NEK11: variants seen among roughly 807,000 people sequenced by gnomAD.
NEK11 encodes the protein serine/threonine-protein kinase Nek11.
NEK11 carries 72 observed loss-of-function variants against 80.7 expected under a neutral mutation model. That is an observed-to-expected ratio of 0.89 (90% CI 0.74 to 1.08). The LOEUF (loss-of-function observed/expected upper bound fraction) is 1.08. NEK11 is among the 50% of genes least tolerant of loss of function. The pLI is 0.00. For missense variants in NEK11, 764 were observed against 763.6 expected (o/e 1.00, Z -0.01); for synonymous variants, 251 against 260.7 (o/e 0.96, Z 0.36).
At chr3:131,027,823 G>A (rs1325831370) in intron 1 of NEK11, 107 bp from the exon 2 acceptor site, 7 of 151,444 alleles carry the variant, frequency 4.6e-5, no homozygotes, top group Admixed American at 4.6e-4. Context: ...CTGCAGCCTG[G>A]ACCAGACTAC....
Position 131,109,097 on chromosome 3 carries a change from TA to T in NEK11, c.337-700del, listed in dbSNP as rs537009288. Among the ~76,000 whole-genome samples, 362 of 152,238 alleles carry T rather than the reference TA, an allele frequency of 2.4e-3. 1 individual carries two copies. Among genetic ancestry groups the T allele is most frequent in the African/African-American group, 8.2e-3 (341 of 41,538 alleles). ...GTGGGTGCATATATAGGTAATATAATAAAAAATAATTTAGATTGAAGGTTTG... is the reference window on the plus strand; with the variant it reads ...GTGGGTGCATATATAGGTAATATAATAAAAATAATTTAGATTGAAGGTTTG... On this transcript the variant is annotated intron_variant, in intron 4 of 17. Transcript: ENST00000383366.
intron 10 of NEK11, 84 bp downstream of exon 10, chr3:131,155,205 T>G: frequency 1.2e-6 from 1 of 842,918 alleles, no homozygotes; most frequent in Non-Finnish European, 1.9e-6. Flanking sequence ...AGCACTAAAC[T>G]GACTGCATCG....
chr3:131,132,568 T>G (rs569872130), intron 5 of NEK11, among the ~76,000 whole-genome samples, 177 bp from the exon 6 acceptor site: 2 of 152,100 alleles, frequency 1.3e-5, no homozygotes, highest in African/African-American at 4.8e-5. Flanking sequence ...TTAAAACTTT[T>G]GTTTCCTCAG....
chr3:131,227,052 G>GA (rs112443901), intron 14 of NEK11, among the ~76,000 whole-genome samples: 56 of 146,002 alleles, frequency 3.8e-4, no homozygotes, highest in African/African-American at 8.4e-4. Context: ...GAACTGATGT[G>GA]AAAAAAAAAA....
At chr3:131,051,531 A>T (rs1321606645) in intron 3 of NEK11, among the ~76,000 whole-genome samples, 2 of 152,202 alleles carry the variant, frequency 1.3e-5, no homozygotes, top group Non-Finnish European at 2.9e-5. Context: ...AATGAAGGCT[A>T]AATGTTTAAG....
intron 3 of NEK11, among the ~76,000 whole-genome samples, chr3:131,038,011 G>A (rs1190401555): frequency 6.6e-6 from 1 of 151,916 alleles, no homozygotes; most frequent in Non-Finnish European, 1.5e-5. Context: ...AGAAACTAAT[G>A]ATTTCTTTCT....
chr3:131,226,033 G>A (rs1279292689), intron 14 of NEK11, among the ~76,000 whole-genome samples: 1 of 152,140 alleles, frequency 6.6e-6, no homozygotes, highest in Non-Finnish European at 1.5e-5. Flanking sequence ...AAATATGAAT[G>A]AGTGAGAGAA....
chr3:131,034,679 G>A (rs1017601690), intron 3 of NEK11, among the ~76,000 whole-genome samples: 21 of 152,164 alleles, frequency 1.4e-4, no homozygotes, highest in African/African-American at 4.6e-4. Flanking sequence ...GAGCCACCGC[G>A]CCCGGCCACA....
rs370009670 is a variant in NEK11, at chr3:131,168,814, G to A, written c.1177-16G>A. 6.3e-7 allele frequency: 1 copy of A among 1,594,872 alleles called. No individual in the cohort carries two copies. The highest frequency in any genetic ancestry group is 8.6e-7 in the Non-Finnish European group (1 of 1,164,058). ...GGAAAACCACTGCTGAACAGACTTT[G>A]TCATAATCTCTTTAGGAAAAAACAC... is the stretch of plus-strand genomic sequence containing the variant. On this transcript the variant is annotated splice_polypyrimidine_tract_variant and intron_variant, in intron 12 of 17. Coordinates refer to ENST00000383366, the MANE Select transcript of NEK11 (RefSeq NM_024800.5).
chr3:131,268,096 C>T (rs367988756), intron 16 of NEK11, among the ~76,000 whole-genome samples: 1 of 152,100 alleles, frequency 6.6e-6, no homozygotes, highest in Non-Finnish European at 1.5e-5. Context: ...ACAAAGTTCT[C>T]GTGCTGTGTT....
At chr3:131,044,959 T>C (rs773463217) in intron 3 of NEK11, among the ~76,000 whole-genome samples, 1 of 152,158 alleles carries the variant, frequency 6.6e-6, no homozygotes, top group African/African-American at 2.4e-5. Context: ...GAACTCAGGA[T>C]TAAGAAACTC....
At chr3:131,304,079 A>C (rs536852870) in intron 17 of NEK11, among the ~76,000 whole-genome samples, 19 of 152,306 alleles carry the variant, frequency 1.2e-4, no homozygotes, top group Non-Finnish European at 2.5e-4. Context: ...GTCTCTTTAC[A>C]TAATTCCATA....
In NEK11 at chr3:131,170,800, C is replaced by T; in HGVS notation, c.1312C>T (p.Leu438=). The change falls in exon 14 of 18, where the codon CTG becomes TTG. Residue 438 remains leucine (L), a synonymous_variant. Coordinates refer to ENST00000383366, the MANE Select transcript of NEK11 (RefSeq NM_024800.5). ...EESDEPTLEN[L]PESQPIPSMD... ...ATCTGATGAACCAACTTTAGAGAAC[C>T]TGCCTGAGTCTCAGCCTATTCCTTC... 1 of 1,613,968 alleles carries T rather than the reference C, an allele frequency of 6.2e-7. No individual in the cohort carries two copies. Among genetic ancestry groups the T allele is most frequent in the Non-Finnish European group, 8.5e-7 (1 of 1,179,860 alleles).
rs1560476637 is a variant in NEK11, at chr3:131,115,956, T to TTCTTTCTTTCTTTCTTTCTTTC, written c.455+6037_455+6058dup. ...TTTCTTTCTTTCTTTCTTTCTTTCT[T>TTCTTTCTTTCTTTCTTTCTTTC]TCTTTCTTTCTTTCTTTCTTTCTTT... On this transcript the variant is annotated intron_variant, in intron 5 of 17. Coordinates refer to ENST00000383366, the MANE Select transcript of NEK11 (RefSeq NM_024800.5). Among the ~76,000 whole-genome samples, 130 of 143,768 alleles carry TTCTTTCTTTCTTTCTTTCTTTC rather than the reference T, an allele frequency of 9.0e-4. 2 individuals are homozygous for TTCTTTCTTTCTTTCTTTCTTTC. Among genetic ancestry groups the TTCTTTCTTTCTTTCTTTCTTTC allele is most frequent in the South Asian group, 2.8e-3 (12 of 4,308 alleles). 94.3% of individuals were successfully genotyped at this position (143,768 alleles called of 152,430 possible). A position where few individuals can be genotyped will look rare whatever the true frequency, so the allele number is the denominator to read the frequency against.
chr3:131,067,197 C>T (rs745356460), intron 3 of NEK11, among the ~76,000 whole-genome samples: 1 of 152,176 alleles, frequency 6.6e-6, no homozygotes, highest in Non-Finnish European at 1.5e-5. Context: ...TGTCTCTGCT[C>T]TGCCACTGGA....
At chr3:131,125,257 T>C (rs1479291592) in intron 5 of NEK11, among the ~76,000 whole-genome samples, 1 of 152,210 alleles carries the variant, frequency 6.6e-6, no homozygotes, top group Non-Finnish European at 1.5e-5. Flanking sequence ...GACTTTTCTT[T>C]AAAATGTTGT....
chr3:131,177,819 A>G (rs1032345798), intron 14 of NEK11, among the ~76,000 whole-genome samples: 1 of 152,260 alleles, frequency 6.6e-6, no homozygotes, highest in Admixed American at 6.5e-5. Context: ...CAAAAAACCT[A>G]TTCAAATATC....
rs541301482 is a variant in NEK11 at position 131,118,432 on chromosome 3, TCTC to T, written c.455+8512_455+8514del. ...TTCCTCAGGGATATTGGTCTAAAATTCTCTTTTTTTGTTGTGTGTCTGTGGGCT... is the reference window on the plus strand; with the variant it reads ...TTCCTCAGGGATATTGGTCTAAAATTTTTTTTTGTTGTGTGTCTGTGGGCT... On this transcript the variant is annotated intron_variant, in intron 5 of 17. Transcript: ENST00000383366. Among the ~76,000 whole-genome samples, 538 of 152,272 alleles carry T rather than the reference TCTC, an allele frequency of 3.5e-3. 2 individuals are homozygous for T. The highest frequency in any genetic ancestry group is 7.4e-3 in the Admixed American group (113 of 15,296).
chr3:131,259,585 G>C (rs1019028265), intron 16 of NEK11, among the ~76,000 whole-genome samples: 2 of 152,130 alleles, frequency 1.3e-5, no homozygotes, highest in Non-Finnish European at 2.9e-5. Flanking sequence ...GAAGGAGAAG[G>C]ATGCAGGATG....
Sources: gnomAD v4.1 joint callset for allele counts (sites outside exome capture counted in the v4.1 genomes callset) on GRCh38, gnomAD v4.1.1 for gene constraint, MANE v1.5 for transcripts, NCBI Gene and HGNC (gene_info 2026-07-23, HGNC 2026-07-21) for gene names.